Variants in SAMMSON observed in about 807,000 individuals in gnomAD.
SAMMSON encodes the protein long intergenic non-protein coding RNA 1212.
intron 7 of SAMMSON, among the ~76,000 whole-genome samples, chr3:70,328,582 T>C (rs1299873774): frequency 6.6e-6 from 1 of 152,072 alleles, no homozygotes; most frequent in East Asian, 1.9e-4. Context: ...GAAGAAAATA[T>C]GAGTGACCCT....
chr3:70,068,893 A>G (rs2107594043), intron 3 of SAMMSON: 1 of 152,214 alleles, frequency 6.6e-6, no homozygotes, highest in East Asian at 1.9e-4. Flanking sequence ...AAATGGTGTG[A>G]TAGAGAACTG....
chr3:70,287,990 T>C (rs914480010), intron 6 of SAMMSON, among the ~76,000 whole-genome samples: 5 of 152,300 alleles, frequency 3.3e-5, no homozygotes, highest in African/African-American at 1.2e-4. Context: ...TCTCTTTTGT[T>C]GATCCTTTCA....
At chr3:70,176,925 C>T (rs1357719249) in intron 4 of SAMMSON, among the ~76,000 whole-genome samples, 1 of 152,018 alleles carries the variant, frequency 6.6e-6, no homozygotes, top group Non-Finnish European at 1.5e-5. Flanking sequence ...CTGAAGGGTG[C>T]GAGTATCACA....
In SAMMSON at chr3:70,142,262, G is replaced by A. The variant is rs185030967; in HGVS notation, n.507+70697G>A. On this transcript the variant is annotated intron_variant and non_coding_transcript_variant, in intron 4 of 9. Transcript: ENST00000642114. ...TTATAGCAGCACAATTCACAATTGC[G>A]AAAACATGGAACCAACCCAAGTGGC... Among the ~76,000 whole-genome samples, 122 of 152,196 alleles carry A rather than the reference G, an allele frequency of 8.0e-4. 1 individual carries two copies. Among genetic ancestry groups the A allele is most frequent in the Admixed American group, 3.1e-3 (48 of 15,274 alleles).
chr3:70,220,464 T>C (rs1003612844), intron 4 of SAMMSON, among the ~76,000 whole-genome samples: 9 of 152,140 alleles, frequency 5.9e-5, no homozygotes, highest in Admixed American at 3.3e-4. Context: ...CTTCAAGTTA[T>C]ATTTTTGCTG....
At chr3:70,268,879 A>AT (rs772990783) in intron 6 of SAMMSON, among the ~76,000 whole-genome samples, 1 of 152,146 alleles carries the variant, frequency 6.6e-6, no homozygotes, top group Non-Finnish European at 1.5e-5. Flanking sequence ...TATGAGGATT[A>AT]TTTTTTCTGG....
intron 3 of SAMMSON, among the ~76,000 whole-genome samples, chr3:70,035,733 G>T (rs926071488): frequency 6.6e-6 from 1 of 152,092 alleles, no homozygotes; most frequent in Admixed American, 6.6e-5. Context: ...TGATGATAGC[G>T]GGAAAGGAAG....
intron 4 of SAMMSON, chr3:70,206,570 A>T (rs961206007): frequency 1.5e-5 from 6 of 397,596 alleles, no homozygotes. Context: ...GAAACATACC[A>T]TCAGTGTCTC....
chr3:70,109,106 G>A (rs1272020545), intron 4 of SAMMSON, among the ~76,000 whole-genome samples: 1 of 152,080 alleles, frequency 6.6e-6, no homozygotes, highest in Non-Finnish European at 1.5e-5. Flanking sequence ...TCATACCCCT[G>A]TAGCAGCTCT....
At chr3:70,384,347 G>A (rs1320227921) in intron 9 of SAMMSON, among the ~76,000 whole-genome samples, 1 of 151,886 alleles carries the variant, frequency 6.6e-6, no homozygotes, top group Non-Finnish European at 1.5e-5. Context: ...ATGATAGGAA[G>A]GCATCAAAGC....
intron 3 of SAMMSON, chr3:70,070,334 C>T (rs1210782694): frequency 6.6e-6 from 1 of 151,876 alleles, no homozygotes. Flanking sequence ...TTTTTAGATG[C>T]ACTCTATTGT....
chr3:70,195,794 A>G (rs1216176389), intron 4 of SAMMSON, among the ~76,000 whole-genome samples: 1 of 152,246 alleles, frequency 6.6e-6, no homozygotes, highest in Non-Finnish European at 1.5e-5. Flanking sequence ...TTCTACAGAA[A>G]GTAAAGAACA....
intron 4 of SAMMSON, among the ~76,000 whole-genome samples, chr3:70,160,882 G>T (rs2106692968): frequency 6.6e-6 from 1 of 152,164 alleles, no homozygotes; most frequent in African/African-American, 2.4e-5. Context: ...ATAATTTTCA[G>T]TATAGAAGTC....
intron 8 of SAMMSON, among the ~76,000 whole-genome samples, chr3:70,355,798 C>T (rs1702825630): frequency 6.6e-6 from 1 of 152,088 alleles, no homozygotes. Flanking sequence ...GAGAGGTAAA[C>T]GGCACACTCA....
chr3:70,342,605 A>G (rs539913406), intron 7 of SAMMSON, among the ~76,000 whole-genome samples: 7 of 152,302 alleles, frequency 4.6e-5, no homozygotes, highest in African/African-American at 1.4e-4. Flanking sequence ...ACATTTTCCA[A>G]TGGAATCCCA....
intron 8 of SAMMSON, among the ~76,000 whole-genome samples, chr3:70,358,064 AT>A (rs1367765948): frequency 6.6e-6 from 1 of 152,156 alleles, no homozygotes; most frequent in African/African-American, 2.4e-5. Flanking sequence ...TGACTGTTAA[AT>A]TTGCAGTGGT....
intron 4 of SAMMSON, among the ~76,000 whole-genome samples, chr3:70,161,350 A>G (rs2067614582): frequency 6.6e-6 from 1 of 152,008 alleles, no homozygotes; most frequent in Admixed American, 6.6e-5. Flanking sequence ...ATTCCTGCCT[A>G]TTCCAAGCTT....
At chr3:70,002,664 A>G (rs1028319667) in intron 1 of SAMMSON, among the ~76,000 whole-genome samples, 12 of 152,158 alleles carry the variant, frequency 7.9e-5, no homozygotes, top group Admixed American at 6.5e-4. Flanking sequence ...AGTACTGTAT[A>G]TGGATTTTCT....
chr3:70,427,060 A>G (rs1472488450), intron 2 of SAMMSON, among the ~76,000 whole-genome samples: 1 of 152,234 alleles, frequency 6.6e-6, no homozygotes, highest in Non-Finnish European at 1.5e-5. Context: ...TCACTCCATC[A>G]TTCACTCAAT....
Sources: gnomAD v4.1 joint callset for allele counts (sites outside exome capture counted in the v4.1 genomes callset) on GRCh38, gnomAD v4.1.1 for gene constraint, MANE v1.5 for transcripts, NCBI Gene and HGNC (gene_info 2026-07-23, HGNC 2026-07-21) for gene names.